Variants in EPN2 observed in about 807,000 individuals in gnomAD.
EPN2 encodes the protein epsin-2.
EPN2 carries 34 observed loss-of-function variants against 61.7 expected under a neutral mutation model. The ratio of observed to expected loss-of-function variants is 0.55; its 90% CI spans 0.42 to 0.73. The LOEUF (loss-of-function observed/expected upper bound fraction) is 0.73, where lower values mean the gene tolerates loss of function less well. EPN2 is among the 30% of genes least tolerant of loss of function. The probability of loss-of-function intolerance (pLI) is 0.00; values close to 1 mark genes in which losing one functional copy is unlikely to be tolerated. For missense variants in EPN2, 714 were observed against 839.2 expected (o/e 0.85, Z 1.84); for synonymous variants, 349 against 353.6 (o/e 0.99, Z 0.15).
rs777526208 is a variant in EPN2, at chr17:19,313,227, C to A, written c.1095C>A (p.Pro365=). ...CAGCCTCCACTAACCAGACCAACCCCTGGGGCGGGCCAGCGGCTCCTGCGA... is the reference window on the plus strand; with the variant it reads ...CAGCCTCCACTAACCAGACCAACCCATGGGGCGGGCCAGCGGCTCCTGCGA... ...GPSASTNQTN[P]WGGPAAPAST... Residue 365 remains proline, a synonymous_variant, in exon 7 of 11, where the codon CCC becomes CCA. Transcript: ENST00000314728. The A allele has an allele frequency of 8.8e-6, 14 of 1,597,554 alleles. No individual in the cohort carries two copies. The highest frequency in any genetic ancestry group is 1.1e-5 in the Non-Finnish European group (13 of 1,174,366).
Position 19,331,949 on chromosome 17 carries a change from G to C in EPN2, c.1508G>C (p.Ser503Thr), listed in dbSNP as rs1354162902. ...QPLTVASSKP[S>T]SARKTPESFL... ...CTGACTGTCGCCTCAAGCAAGCCCAGCAGTGCCCGGAAAACACCTGAGTCC... is the reference window on the plus strand; with the variant it reads ...CTGACTGTCGCCTCAAGCAAGCCCACCAGTGCCCGGAAAACACCTGAGTCC... The change falls in exon 10 of 11, where the codon AGC becomes ACC. Residue 503 changes from serine (S) to threonine (T), a missense_variant. Transcript: ENST00000314728. The C allele has an allele frequency of 6.2e-7, 1 of 1,614,146 alleles. No individual in the cohort carries two copies. Among genetic ancestry groups the C allele is most frequent in the Admixed American group, 1.7e-5 (1 of 60,016 alleles).
At chr17:19,325,198 A>G (rs984277861) in intron 7 of EPN2, among the ~76,000 whole-genome samples, 1 of 152,216 alleles carries the variant, frequency 6.6e-6, no homozygotes, top group Non-Finnish European at 1.5e-5. Context: ...ACTTTCATAC[A>G]AACTCCTTTA....
intron 5 of EPN2, among the ~76,000 whole-genome samples, chr17:19,310,438 G>A (rs1690872981): frequency 6.6e-6 from 1 of 152,110 alleles, no homozygotes; most frequent in African/African-American, 2.4e-5. Context: ...AAAAAACAAA[G>A]GCTGGGAAAA....
intron 9 of EPN2, among the ~76,000 whole-genome samples, chr17:19,330,296 TTC>T (rs1296537006): frequency 1.3e-5 from 2 of 152,142 alleles, no homozygotes; most frequent in African/African-American, 4.8e-5. Flanking sequence ...ACATGGCAAC[TTC>T]TCTCTTTTTT....
chr17:19,290,903 C>T (rs949993525), intron 4 of EPN2, among the ~76,000 whole-genome samples: 4 of 152,056 alleles, frequency 2.6e-5, no homozygotes, highest in East Asian at 1.9e-4. Flanking sequence ...GTCTTGCTGA[C>T]GCCGCTGGCC....
intron 4 of EPN2, among the ~76,000 whole-genome samples, chr17:19,295,379 C>CGCGCGG (rs2045509488): frequency 6.6e-6 from 1 of 151,068 alleles, no homozygotes; most frequent in Non-Finnish European, 1.5e-5. Flanking sequence ...CGCGTGCGCG[C>CGCGCGG]AAAATAGCCA....
intron 1 of EPN2, among the ~76,000 whole-genome samples, chr17:19,265,583 T>C (rs1211832468): frequency 3.9e-5 from 6 of 152,172 alleles, no homozygotes; most frequent in Admixed American, 6.5e-5. Flanking sequence ...TGGCCCTTTC[T>C]TGGACTTGGC....
At chr17:19,293,270 C>G (rs1162793064) in intron 4 of EPN2, among the ~76,000 whole-genome samples, 2 of 151,162 alleles carry the variant, frequency 1.3e-5, no homozygotes, top group Non-Finnish European at 1.5e-5. Context: ...ATCCCAGCTA[C>G]TCAGGAGGCA....
chr17:19,309,753 C>T (rs1039073167), intron 4 of EPN2, 132 bp from the exon 5 acceptor site: 11 of 688,268 alleles, frequency 1.6e-5, no homozygotes, highest in Non-Finnish European at 2.9e-5. Context: ...TTTCCTCTGC[C>T]TGCATTGTTG....
In EPN2 at chr17:19,253,869, T is replaced by G. The variant is rs775720221; in HGVS notation, c.-294+16338T>G. 3.0e-4 allele frequency among the ~76,000 whole-genome samples: 45 copies of G among 152,192 alleles called. 1 individual carries two copies. The highest frequency in any genetic ancestry group is 5.9e-5 in the Non-Finnish European group (4 of 68,044). On this transcript the variant is annotated intron_variant, in intron 1 of 10. Transcript: ENST00000314728. ...AAGAACTTATAACAGTCGTGGTGGC[T>G]CATACATGTAATACCAGCACTTTGG... is the stretch of plus-strand genomic sequence containing the variant.
rs544980062 is a variant in EPN2 at position 19,257,066 on chromosome 17, A to G, written c.-294+19535A>G. Among the ~76,000 whole-genome samples the G allele has an allele frequency of 6.4e-4, 97 of 152,360 alleles. 2 individuals are homozygous for G. Among genetic ancestry groups the G allele is most frequent in the Admixed American group, 7.2e-4 (11 of 15,306 alleles). On this transcript the variant is annotated intron_variant, in intron 1 of 10. Transcript: ENST00000314728. The stretch of plus-strand genomic sequence containing the variant: ...ATAGCAAGTCGCACAAGAAATTACT[A>G]TGTAATCTGACTGCAAAGTGTTGGG...
chr17:19,245,011 G>A (rs546046702), intron 1 of EPN2, among the ~76,000 whole-genome samples: 213 of 152,296 alleles, frequency 1.4e-3, no homozygotes, highest in Non-Finnish European at 2.5e-3. Context: ...GGTAGGCTGA[G>A]CAAGCTGAGG....
In EPN2 at chr17:19,281,697, A is replaced by G. The variant is rs530806722; in HGVS notation, c.-293-258A>G. Reference sequence around the variant, plus strand: ...CCAGGCTTCGGTTCCTCACTTGTGTAGTGGGAAAAATAATCCTTCCTCTGA... The same window carrying G: ...CCAGGCTTCGGTTCCTCACTTGTGTGGTGGGAAAAATAATCCTTCCTCTGA... On this transcript the variant is annotated intron_variant, in intron 1 of 10. Transcript: ENST00000314728. Among the ~76,000 whole-genome samples the G allele has an allele frequency of 2.6e-5, 4 of 152,228 alleles. No individual in the cohort carries two copies. In the South Asian group the frequency reaches 8.3e-4, roughly 32 times the overall value.
intron 4 of EPN2, among the ~76,000 whole-genome samples, chr17:19,302,428 C>T (rs923321642): frequency 9.9e-5 from 15 of 152,236 alleles, no homozygotes; most frequent in African/African-American, 3.6e-4. Flanking sequence ...ACTGTCTGAG[C>T]TCCACCTCCT....
At chr17:19,333,861 C>A in intron 10 of EPN2, 95 bp from the exon 11 acceptor site, 1 of 1,074,374 alleles carries the variant, frequency 9.3e-7, no homozygotes, top group Non-Finnish European at 1.3e-6. Context: ...GAGGGCACAG[C>A]AGGGACCAGA....
In EPN2 at chr17:19,312,034, T is replaced by G. The variant is rs1288535786; in HGVS notation, c.880-18T>G. On this transcript the variant is annotated intron_variant, in intron 5 of 10. Transcript: ENST00000314728. ...AGTGATGTTATTACAATTACCAGTT[T>G]GCATTGTCCCTCTACAGGAAGAACG... 6.4e-7 allele frequency: 1 copy of G among 1,557,842 alleles called. No homozygotes were observed. The highest frequency in any genetic ancestry group is 1.7e-5 in the Admixed American group (1 of 59,968).
rs1906211468 is a variant in EPN2 at position 19,312,862 on chromosome 17, G to A, written c.973-243G>A. ...CAGTGTTAGCCTGGAAAAGTCTGTT[G>A]AGCCCTGAGGTCTCTGAAGTCTGGT... On this transcript the variant is annotated intron_variant, in intron 6 of 10. Transcript: ENST00000314728. 6 of 463,932 alleles carry A rather than the reference G, an allele frequency of 1.3e-5. No homozygotes were observed. The South Asian group carries it at 1.7e-4, about 13-fold the overall frequency. 28.7% of individuals were successfully genotyped at this position (463,932 alleles called of 1,614,324 possible).
intron 3 of EPN2, among the ~76,000 whole-genome samples, chr17:19,284,380 C>T (rs949751851): frequency 3.3e-5 from 5 of 152,094 alleles, no homozygotes; most frequent in Admixed American, 6.6e-5. Context: ...AGTTCAGGGC[C>T]TGATGGAAGC....
At chr17:19,318,404 C>T (rs965646435) in intron 7 of EPN2, among the ~76,000 whole-genome samples, 1 of 151,682 alleles carries the variant, frequency 6.6e-6, no homozygotes, top group Admixed American at 6.6e-5. Flanking sequence ...CAAAAACTAG[C>T]CAGGCGTAGT....
Sources: allele counts gnomAD v4.1 joint callset (sites outside exome capture counted in the v4.1 genomes callset), GRCh38; gene constraint gnomAD v4.1.1; transcripts MANE v1.5; gene names NCBI Gene and HGNC (gene_info 2026-07-23, HGNC 2026-07-21).